GULP1: variants seen among roughly 807,000 people sequenced by gnomAD.
The protein encoded by GULP1 is PTB domain-containing engulfment adapter protein 1.
GULP1 carries 19 observed loss-of-function variants against 40.9 expected under a neutral mutation model. The ratio of observed to expected loss-of-function variants is 0.46; its 90% CI spans 0.32 to 0.68. The LOEUF (loss-of-function observed/expected upper bound fraction) is 0.68, where lower values mean the gene tolerates loss of function less well. Among genes scored for constraint, GULP1 ranks in the 30% least tolerant of loss-of-function variants. GULP1 has a pLI of 0.03. For synonymous variants in GULP1, 119 were observed against 117.6 expected (o/e 1.01, Z -0.08); for missense variants, 312 against 362.2 (o/e 0.86, Z 1.12).
chr2:188,320,987 AAAC>A (rs2039891534), intron 1 of GULP1, among the ~76,000 whole-genome samples: 1 of 151,904 alleles, frequency 6.6e-6, no homozygotes, highest in South Asian at 2.1e-4. Context: ...TACTTCAAAA[AAAC>A]AGTTTCCTAT....
At chr2:188,592,616 A>G (rs568559455) in intron 11 of GULP1, 1 of 152,088 alleles carries the variant, frequency 6.6e-6, no homozygotes, top group Non-Finnish European at 1.5e-5. Context: ...ATTGCTATAT[A>G]GTAGTAGTCT....
At chr2:188,340,881 C>T (rs1423869515) in intron 1 of GULP1, among the ~76,000 whole-genome samples, 2 of 152,094 alleles carry the variant, frequency 1.3e-5, no homozygotes, top group Non-Finnish European at 2.9e-5. Flanking sequence ...TCTGGCTGGA[C>T]TGAACTCTGA....
At chr2:188,341,429 C>T (rs944215017) in intron 1 of GULP1, among the ~76,000 whole-genome samples, 103 of 152,186 alleles carry the variant, frequency 6.8e-4, no homozygotes, top group African/African-American at 2.4e-3. Flanking sequence ...AAGGCTCCAC[C>T]TCCAATATTG....
intron 5 of GULP1, among the ~76,000 whole-genome samples, chr2:188,527,114 C>G (rs1686369054): frequency 6.6e-6 from 1 of 152,136 alleles, no homozygotes; most frequent in Non-Finnish European, 1.5e-5. Flanking sequence ...TACCTCAGCC[C>G]CTACTTCCTT....
intron 2 of GULP1, among the ~76,000 whole-genome samples, chr2:188,404,291 C>T (rs569906192): frequency 1.3e-5 from 2 of 152,276 alleles, no homozygotes; most frequent in South Asian, 4.2e-4. Flanking sequence ...ACTATCCATG[C>T]ATGCAAATAC....
chr2:188,369,006 A>C (rs1396971617), intron 1 of GULP1, among the ~76,000 whole-genome samples: 1 of 138,842 alleles, frequency 7.2e-6, no homozygotes, highest in African/African-American at 2.7e-5. Context: ...TCTGTCGCCC[A>C]GGCTGGAGTG....
chr2:188,346,567 A>G (rs1247864179), intron 1 of GULP1, among the ~76,000 whole-genome samples: 3 of 151,252 alleles, frequency 2.0e-5, no homozygotes, highest in African/African-American at 7.3e-5. Flanking sequence ...ATCTCGGGTC[A>G]CTACAAGCTC....
intron 9 of GULP1, among the ~76,000 whole-genome samples, chr2:188,581,930 C>CAT (rs1234597688): frequency 1.1e-4 from 16 of 151,998 alleles, no homozygotes; most frequent in Admixed American, 9.2e-4. Flanking sequence ...TCTACACAAC[C>CAT]ATAACTTTAT....
chr2:188,415,606 A>G (rs1020569456), intron 2 of GULP1, among the ~76,000 whole-genome samples: 1 of 152,168 alleles, frequency 6.6e-6, no homozygotes, highest in Non-Finnish European at 1.5e-5. Context: ...TAGGAGGCAC[A>G]AATAGAAGAA....
chr2:188,455,355 C>T (rs2059170198), intron 2 of GULP1, among the ~76,000 whole-genome samples: 1 of 152,096 alleles, frequency 6.6e-6, no homozygotes, highest in Non-Finnish European at 1.5e-5. Flanking sequence ...ACCCAAATCT[C>T]ATCTTGAGTT....
chr2:188,300,741 T>G (rs2035984387), intron 1 of GULP1, among the ~76,000 whole-genome samples: 1 of 152,212 alleles, frequency 6.6e-6, no homozygotes, highest in African/African-American at 2.4e-5. Flanking sequence ...GCAGTCTCTT[T>G]AAACTTGTTA....
At chr2:188,305,321 C>T (rs992136566) in intron 1 of GULP1, among the ~76,000 whole-genome samples, 1 of 152,118 alleles carries the variant, frequency 6.6e-6, no homozygotes, top group Non-Finnish European at 1.5e-5. Context: ...TCTCTGAACC[C>T]TTTTTGGGTT....
At chr2:188,569,142 T>C in intron 7 of GULP1, 97 bp from the exon 8 acceptor site, 1 of 706,648 alleles carries the variant, frequency 1.4e-6, no homozygotes, top group East Asian at 2.6e-5. Context: ...CTCTTGTGAA[T>C]GTCTTGGAGT....
intron 4 of GULP1, among the ~76,000 whole-genome samples, chr2:188,512,398 A>G (rs1446112394): frequency 6.6e-6 from 1 of 152,124 alleles, no homozygotes; most frequent in Non-Finnish European, 1.5e-5. Flanking sequence ...TAGAGAACAT[A>G]TTATCTACAT....
At chr2:188,311,268 C>T (rs1237809464) in intron 1 of GULP1, among the ~76,000 whole-genome samples, 1 of 152,062 alleles carries the variant, frequency 6.6e-6, no homozygotes, top group Non-Finnish European at 1.5e-5. Context: ...ATGATCTTGG[C>T]TCACTGCAAG....
intron 1 of GULP1, among the ~76,000 whole-genome samples, chr2:188,375,526 T>C (rs1245022086): frequency 3.3e-5 from 5 of 152,188 alleles, no homozygotes; most frequent in African/African-American, 4.8e-5. Flanking sequence ...CAGCTTCCAT[T>C]GTGTGACTGT....
chr2:188,550,710 G>A (rs989050403), intron 7 of GULP1, among the ~76,000 whole-genome samples: 9 of 151,278 alleles, frequency 5.9e-5, no homozygotes, highest in Non-Finnish European at 7.4e-5. Context: ...CTGTGAGAAG[G>A]TGTTTACTGC....
chr2:188,326,292 TA>T (rs1316634431), intron 1 of GULP1, among the ~76,000 whole-genome samples: 1 of 152,182 alleles, frequency 6.6e-6, no homozygotes, highest in East Asian at 1.9e-4. Context: ...GATATTTTAT[TA>T]TTTTGTACAT....
At chr2:188,527,906 T>A (rs1465163803) in intron 5 of GULP1, among the ~76,000 whole-genome samples, 1 of 152,182 alleles carries the variant, frequency 6.6e-6, no homozygotes, top group South Asian at 2.1e-4. Context: ...TGCAAGTAAC[T>A]GTGACATACA....
Sources: allele counts gnomAD v4.1 joint callset (sites outside exome capture counted in the v4.1 genomes callset), GRCh38; gene constraint gnomAD v4.1.1; transcripts MANE v1.5; gene names NCBI Gene and HGNC (gene_info 2026-07-23, HGNC 2026-07-21).